The following ETV7 variants were observed in gnomAD, a reference collection of about 807,000 sequenced individuals.
ETV7 encodes the protein ETS variant transcription factor 7, also known as transcription factor ETV7.
In ETV7, 43 loss-of-function variants were observed where a neutral mutation model predicts 39.1. That is an observed-to-expected ratio of 1.10 (90% CI 0.86 to 1.42). ETV7 has a LOEUF of 1.42. Ranked by LOEUF, ETV7 falls within the 40% of genes most tolerant of loss-of-function variation. ETV7 has a pLI of 0.00. For missense variants in ETV7, 432 were observed against 442.3 expected (o/e 0.98, Z 0.21); for synonymous variants, 196 against 176.6 (o/e 1.11, Z -0.87).
At chr6:36,366,819 A>T in intron 7 of ETV7, 56 bp downstream of exon 7, 1 of 1,612,968 alleles carries the variant, frequency 6.2e-7, no homozygotes, top group Non-Finnish European at 8.5e-7. Flanking sequence ...GGGGGATTCC[A>T]GCCCACCCAA....
chr6:36,374,264 G>T (rs2127393448), intron 3 of ETV7, among the ~76,000 whole-genome samples: 1 of 152,208 alleles, frequency 6.6e-6, no homozygotes, highest in East Asian at 1.9e-4. Context: ...GGCTGAGGCA[G>T]GAGAATCACT....
At chr6:36,380,315 A>T (rs1210486314) in intron 2 of ETV7, among the ~76,000 whole-genome samples, 1 of 152,150 alleles carries the variant, frequency 6.6e-6, no homozygotes, top group Non-Finnish European at 1.5e-5. Flanking sequence ...CTCTCTTGGC[A>T]ATAATCCATT....
intron 7 of ETV7, 41 bp from the exon 8 acceptor site, chr6:36,366,803 G>A: frequency 6.2e-7 from 1 of 1,613,332 alleles, no homozygotes; most frequent in Middle Eastern, 1.6e-4. Context: ...TCCTGCCCCA[G>A]CTGCAGGGGG....
In ETV7 at chr6:36,368,834, G is replaced by T. The variant is rs563742540; in HGVS notation, c.807+95C>A. The T allele has an allele frequency of 8.5e-6, 13 of 1,529,990 alleles. No individual in the cohort carries two copies. The East Asian group carries it at 2.9e-4, about 35-fold the overall frequency. The allele number at this position is 1,529,990 out of a possible 1,614,324, so 94.8% of individuals were successfully genotyped here. ...GGGGCTGCTGATGAAGGCCCCATCA[G>T]CTGAGGATTGTCCCATAGTGCTAGG... On this transcript the variant is annotated intron_variant, in intron 6 of 7. Transcript: ENST00000340181.
chr6:36,369,196 T>G (rs1772881036), intron 5 of ETV7, 125 bp from the exon 6 acceptor site: 2 of 1,068,612 alleles, frequency 1.9e-6, no homozygotes, highest in Admixed American at 4.8e-5. Flanking sequence ...AAGGTGAAAA[T>G]GATGATATCA....
At chr6:36,365,800 C>T (rs1379721199), downstream of ETV7, among the ~76,000 whole-genome samples, 1 of 152,148 alleles carries the variant, frequency 6.6e-6, no homozygotes, top group Non-Finnish European at 1.5e-5. Context: ...CTCATCTTCA[C>T]GCCTGAATGC....
chr6:36,361,206 T>C (rs1358538190), downstream of ETV7, among the ~76,000 whole-genome samples: 2 of 152,198 alleles, frequency 1.3e-5, no homozygotes, highest in East Asian at 3.8e-4. Context: ...TCTGGGGCTG[T>C]CCCATTGGTG....
intron 1 of ETV7, 32 bp downstream of exon 1, chr6:36,387,504 G>A: frequency 1.9e-6 from 3 of 1,614,016 alleles, no homozygotes; most frequent in South Asian, 1.1e-5. Context: ...GGCTCTGCGT[G>A]CGCGCTGCGT....
chr6:36,363,172 TC>T (rs1167962047), downstream of ETV7, among the ~76,000 whole-genome samples: 1 of 152,204 alleles, frequency 6.6e-6, no homozygotes, highest in African/African-American at 2.4e-5. Flanking sequence ...CTCACTGACT[TC>T]AAGAATGAAG....
chr6:36,384,959 C>G (rs978036504), intron 2 of ETV7, among the ~76,000 whole-genome samples: 14 of 151,816 alleles, frequency 9.2e-5, no homozygotes, highest in African/African-American at 2.7e-4. Context: ...TGGCACCTGG[C>G]AAAAATTAAA....
downstream of ETV7, among the ~76,000 whole-genome samples, chr6:36,361,336 T>G (rs911961411): frequency 1.3e-5 from 2 of 152,236 alleles, no homozygotes; most frequent in Non-Finnish European, 2.9e-5. Context: ...GCCCTCGCAT[T>G]TACCACCAGA....
At chr6:36,362,943 C>A (rs1292893028), downstream of ETV7, among the ~76,000 whole-genome samples, 1 of 152,228 alleles carries the variant, frequency 6.6e-6, no homozygotes, top group Non-Finnish European at 1.5e-5. Context: ...TCATCTTGGA[C>A]CCAACCACAA....
In ETV7 at chr6:36,368,934, G is replaced by C. The variant is rs868071717; in HGVS notation, c.802C>G (p.His268Asp). Residue 268 changes from histidine (H) to aspartate (D), a missense_variant, in exon 6 of 8, where the codon CAC becomes GAC. By Grantham distance (81) the His-to-Asp change is moderately conservative. Coordinates refer to ENST00000340181, the MANE Select transcript of ETV7 (RefSeq NM_016135.4). ...PNGLARLWGN[H>D]KNRVNMTYEK... is the part of the protein sequence containing the mutation. ...TTCTGCTGGCCGAGGCTCACCTTGT[G>C]ATTTCCCCAGAGTCTGGCGAGCCCA... 1 of 1,614,140 alleles carries C rather than the reference G, an allele frequency of 6.2e-7. No individual in the cohort carries two copies. The highest frequency in any genetic ancestry group is 8.5e-7 in the Non-Finnish European group (1 of 1,180,020).
chr6:36,371,604 A>C, intron 4 of ETV7, 44 bp from the exon 5 acceptor site: 1 of 1,493,058 alleles, frequency 6.7e-7, no homozygotes. Flanking sequence ...GTGGGCCCCA[A>C]GCCTCCCCAA....
intron 3 of ETV7, among the ~76,000 whole-genome samples, chr6:36,375,166 C>T (rs923164051): frequency 1.1e-4 from 16 of 152,030 alleles, no homozygotes; most frequent in African/African-American, 3.9e-4. Flanking sequence ...CGTCTCTTTG[C>T]CAAATACACT....
chr6:36,372,933 G>A (rs886779676), intron 4 of ETV7, among the ~76,000 whole-genome samples: 1 of 151,680 alleles, frequency 6.6e-6, no homozygotes, highest in Non-Finnish European at 1.5e-5. Flanking sequence ...GCAGAGAGGG[G>A]TACCCCAACA....
At chr6:36,379,569 GAAGAAGAAGAAGAAGAAA>G (rs1231850144) in intron 2 of ETV7, among the ~76,000 whole-genome samples, 2 of 148,286 alleles carry the variant, frequency 1.3e-5, no homozygotes, top group African/African-American at 5.0e-5. Context: ...AAAAGAAGAA[GAAGAAGAAGAAGAAGAAA>G]AAGAAGAAGG....
chr6:36,365,818 A>C (rs971591998), downstream of ETV7, among the ~76,000 whole-genome samples: 3 of 152,198 alleles, frequency 2.0e-5, no homozygotes, highest in African/African-American at 7.2e-5. Context: ...TGCCGAGTGA[A>C]TTAAATGAGA....
At chr6:36,385,423 G>T in intron 2 of ETV7, 111 bp downstream of exon 2, 1 of 1,349,562 alleles carries the variant, frequency 7.4e-7, no homozygotes, top group Non-Finnish European at 1.0e-6. Flanking sequence ...AGTGAGCTAT[G>T]ATTACACCAC....
Sources: allele counts gnomAD v4.1 joint callset (sites outside exome capture counted in the v4.1 genomes callset), GRCh38; gene constraint gnomAD v4.1.1; transcripts MANE v1.5; gene names NCBI Gene and HGNC (gene_info 2026-07-23, HGNC 2026-07-21).